The following TMTC2 variants were observed in gnomAD, a reference collection of about 807,000 sequenced individuals.
TMTC2 encodes the protein protein O-mannosyl-transferase TMTC2.
Under a neutral mutation model 82.4 loss-of-function variants are expected in TMTC2, and 43 were observed. The ratio of observed to expected loss-of-function variants is 0.52; its 90% confidence interval spans 0.41 to 0.67. TMTC2 has a LOEUF of 0.67. Among genes scored for constraint, TMTC2 ranks in the 30% least tolerant of loss-of-function variants. The probability of loss-of-function intolerance (pLI) is 0.00; values close to 1 mark genes in which losing one functional copy is unlikely to be tolerated. For synonymous variants in TMTC2, 408 were observed against 381.9 expected, an observed-to-expected ratio of 1.07 and a Z score of -0.80; for missense variants, 919 against 1,012.4, an observed-to-expected ratio of 0.91 and a Z score of 1.25.
At chr12:83,083,827 AG>A (rs1883557112) in intron 11 of TMTC2, among the ~76,000 whole-genome samples, 1 of 152,220 alleles carries the variant, frequency 6.6e-6, no homozygotes. Context: ...AGTCTTTTAC[AG>A]TGTTGGAAAT....
chr12:82,745,432 G>A (rs1326881525), intron 1 of TMTC2, among the ~76,000 whole-genome samples: 1 of 152,170 alleles, frequency 6.6e-6, no homozygotes, highest in Non-Finnish European at 1.5e-5. Context: ...GAAATGTGTT[G>A]ACTGAACAGA....
chr12:82,688,315 G>A (rs1442519836), intron 1 of TMTC2, among the ~76,000 whole-genome samples: 1 of 152,144 alleles, frequency 6.6e-6, no homozygotes, highest in African/African-American at 2.4e-5. Context: ...ATTTCTGTTT[G>A]GGAGTTGTAC....
chr12:82,776,568 C>T (rs1167575526), intron 1 of TMTC2, among the ~76,000 whole-genome samples: 2 of 146,334 alleles, frequency 1.4e-5, no homozygotes, highest in African/African-American at 5.1e-5. Context: ...CCCAGGTGTC[C>T]AGGTGTTTGA....
In TMTC2 at chr12:82,848,382, C is replaced by T. The variant is rs748794740; in HGVS notation, c.84-8628C>T. Reference sequence around the variant, plus strand: ...TGCTTTCCTCCTGGAAACTTTTGACCCTCTAAGACATTGGGCATCTGTTTT... The same window carrying T: ...TGCTTTCCTCCTGGAAACTTTTGACTCTCTAAGACATTGGGCATCTGTTTT... On this transcript the variant is annotated intron_variant, in intron 1 of 11. Transcript: ENST00000321196. Among the ~76,000 whole-genome samples the T allele has an allele frequency of 4.5e-4, 69 of 152,100 alleles. 1 individual carries two copies. The highest frequency in any genetic ancestry group is 7.4e-4 in the Non-Finnish European group (50 of 68,024).
chr12:83,112,542 T>C (rs1884631316), intron 11 of TMTC2, among the ~76,000 whole-genome samples: 1 of 152,196 alleles, frequency 6.6e-6, no homozygotes, highest in African/African-American at 2.4e-5. Context: ...GGCACTGCAA[T>C]TGGATTTCAT....
At chr12:82,935,765 A>G (rs1876282762) in intron 4 of TMTC2, among the ~76,000 whole-genome samples, 2 of 152,122 alleles carry the variant, frequency 1.3e-5, no homozygotes, top group African/African-American at 2.4e-5. Context: ...ATCTTACCTA[A>G]TGGAAGAATT....
intron 1 of TMTC2, among the ~76,000 whole-genome samples, chr12:82,799,524 C>A (rs1878893885): frequency 6.6e-6 from 1 of 152,088 alleles, no homozygotes; most frequent in Admixed American, 6.6e-5. Flanking sequence ...AAATAGTAGA[C>A]ATTTCTTCTT....
At chr12:82,993,135 C>A (rs1592679893) in intron 8 of TMTC2, among the ~76,000 whole-genome samples, 1 of 152,206 alleles carries the variant, frequency 6.6e-6, no homozygotes, top group East Asian at 1.9e-4. Context: ...CAGGTGCATG[C>A]CACCACGCCT....
chr12:82,860,611 G>A (rs566018561), intron 2 of TMTC2, among the ~76,000 whole-genome samples: 1 of 152,176 alleles, frequency 6.6e-6, no homozygotes. Flanking sequence ...AAATTGTGGG[G>A]GTGTTCAGTG....
At chr12:82,899,728 T>TATATATATGTGGAATATATATATATAAGA (rs1176976778) in intron 3 of TMTC2, among the ~76,000 whole-genome samples, 2 of 121,772 alleles carry the variant, frequency 1.6e-5, no homozygotes, top group South Asian at 2.4e-4. Context: ...TATATAAGAA[T>TATATATATGTGGAATATATATATATAAGA]ATATATATGT....
At chr12:82,823,053 A>C (rs1408697024) in intron 1 of TMTC2, among the ~76,000 whole-genome samples, 1 of 152,198 alleles carries the variant, frequency 6.6e-6, no homozygotes, top group Non-Finnish European at 1.5e-5. Flanking sequence ...AGCACTTTTA[A>C]CTTTTACTTC....
At chr12:83,032,260 TATATATATATA>T (rs1565861604) in intron 9 of TMTC2, among the ~76,000 whole-genome samples, 6 of 7,662 alleles carry the variant, frequency 7.8e-4, no homozygotes, top group African/African-American at 2.1e-3. Flanking sequence ...GAATATTTTA[TATATATATATA>T]TATATATATA....
intron 3 of TMTC2, among the ~76,000 whole-genome samples, chr12:82,912,988 A>G (rs1874780793): frequency 6.6e-6 from 1 of 151,982 alleles, no homozygotes; most frequent in African/African-American, 2.4e-5. Context: ...TCATGTAAAT[A>G]TTTACAATAA....
At chr12:83,104,243 G>A (rs943324269) in intron 11 of TMTC2, among the ~76,000 whole-genome samples, 8 of 152,186 alleles carry the variant, frequency 5.3e-5, no homozygotes, top group African/African-American at 1.9e-4. Context: ...CTACCATTCT[G>A]GGGTCTAGAG....
chr12:82,957,130 C>A (rs1877658896), intron 4 of TMTC2, among the ~76,000 whole-genome samples: 2 of 152,010 alleles, frequency 1.3e-5, no homozygotes, highest in Admixed American at 6.6e-5. Flanking sequence ...ACATGCTTGG[C>A]CATAAAGCAA....
chr12:83,089,114 C>T (rs1030068495), intron 11 of TMTC2, among the ~76,000 whole-genome samples: 4 of 152,156 alleles, frequency 2.6e-5, no homozygotes, highest in African/African-American at 7.2e-5. Context: ...CTGCAGAACA[C>T]TTTGGTTTGT....
chr12:82,750,394 C>T (rs994686536), intron 1 of TMTC2, among the ~76,000 whole-genome samples: 4 of 151,924 alleles, frequency 2.6e-5, no homozygotes, highest in Non-Finnish European at 5.9e-5. Flanking sequence ...GAGAAGTGAC[C>T]TCAGGTTTGG....
In TMTC2 at chr12:82,713,043, G is replaced by A. The variant is rs181752856; in HGVS notation, c.83+25374G>A. On this transcript the variant is annotated intron_variant, in intron 1 of 11. Coordinates refer to ENST00000321196, the MANE Select transcript of TMTC2 (RefSeq NM_152588.3). ...GAGTAAGAAAGAGTTTAGGAGGCCA[G>A]GCGCAGTGGCTCACACCTGTAATCC... is the stretch of plus-strand genomic sequence containing the variant. 2.8e-3 allele frequency among the ~76,000 whole-genome samples: 432 copies of A among 152,310 alleles called. 2 individuals are homozygous for A. Among genetic ancestry groups the A allele is most frequent in the Admixed American group, 9.9e-3 (151 of 15,302 alleles).
chr12:82,765,217 C>T (rs1876882200), intron 1 of TMTC2, among the ~76,000 whole-genome samples: 1 of 151,980 alleles, frequency 6.6e-6, no homozygotes, highest in Non-Finnish European at 1.5e-5. Context: ...TTTGGGGGTC[C>T]CAAGATTTAA....
Sources: gnomAD v4.1 joint callset for allele counts (sites outside exome capture counted in the v4.1 genomes callset) on GRCh38, gnomAD v4.1.1 for gene constraint, MANE v1.5 for transcripts, NCBI Gene and HGNC (gene_info 2026-07-23, HGNC 2026-07-21) for gene names.